Variants in CDK8 observed in about 807,000 individuals in gnomAD.
CDK8 encodes the protein cyclin-dependent kinase 8.
Under a neutral mutation model 71.5 loss-of-function variants are expected in CDK8, and 29 were observed. That is an observed-to-expected ratio of 0.41 (90% confidence interval 0.30 to 0.55). The LOEUF (loss-of-function observed/expected upper bound fraction) is 0.55, where lower values mean the gene tolerates loss of function less well. CDK8 is among the 20% of genes least tolerant of loss of function. The pLI is 0.37. For missense variants in CDK8, 288 were observed against 572.6 expected (o/e 0.50, Z 5.07); for synonymous variants, 161 against 192.1 (o/e 0.84, Z 1.34).
At chr13:26,273,727 A>G (rs547209390) in intron 1 of CDK8, among the ~76,000 whole-genome samples, 4 of 151,892 alleles carry the variant, frequency 2.6e-5, no homozygotes, top group Non-Finnish European at 5.9e-5. Context: ...GAGTTCATCT[A>G]CCTATGGTGT....
chr13:26,254,535 C>T lies in CDK8; in HGVS notation c.-107C>T. The T allele has an allele frequency of 3.3e-6, 3 of 898,940 alleles. No individual in the cohort carries two copies. Among genetic ancestry groups the T allele is most frequent in the South Asian group, 3.3e-5 (2 of 60,004 alleles). The allele number at this position is 898,940 out of a possible 1,614,324, so 55.7% of individuals were successfully genotyped here. ...TCGGGCTGGTGCTGCGGCCGGCGGG[C>T]GTAGAGCGGGCGGGTTCCCGGGGGC... On this transcript the variant is annotated 5_prime_UTR_variant, in exon 1 of 13. Transcript: ENST00000381527. The surrounding 1 kb of genome is among the most constrained non-coding windows in gnomAD (Gnocchi z 6.7).
chr13:26,302,102 A>G (rs1873848334), intron 1 of CDK8, among the ~76,000 whole-genome samples: 1 of 152,194 alleles, frequency 6.6e-6, no homozygotes, highest in Admixed American at 6.5e-5. Flanking sequence ...TCCCAGCTCT[A>G]AAAAACACAA....
chr13:26,391,385 G>C (rs1875739599), intron 6 of CDK8, among the ~76,000 whole-genome samples: 1 of 152,158 alleles, frequency 6.6e-6, no homozygotes, highest in Non-Finnish European at 1.5e-5. Context: ...GGGACTACAG[G>C]CATATGCCAG....
intron 6 of CDK8, among the ~76,000 whole-genome samples, chr13:26,391,778 T>C (rs182702178): frequency 8.5e-5 from 13 of 152,376 alleles, no homozygotes; most frequent in African/African-American, 2.9e-4. Flanking sequence ...CTCTGATATG[T>C]AAATACGATG....
intron 2 of CDK8, among the ~76,000 whole-genome samples, chr13:26,343,444 A>G (rs1293968376): frequency 6.6e-6 from 1 of 152,240 alleles, no homozygotes; most frequent in Admixed American, 6.5e-5. Flanking sequence ...TGTTCTGCCT[A>G]TGGAGTAGCC....
At chr13:26,383,140 A>G (rs940410797) in intron 5 of CDK8, among the ~76,000 whole-genome samples, 2 of 152,196 alleles carry the variant, frequency 1.3e-5, no homozygotes, top group African/African-American at 4.8e-5. Context: ...TATAGAGGTG[A>G]GGGGCTTCTA....
intron 1 of CDK8, among the ~76,000 whole-genome samples, chr13:26,297,751 A>G (rs1409484529): frequency 6.6e-6 from 1 of 152,202 alleles, no homozygotes; most frequent in Non-Finnish European, 1.5e-5. Flanking sequence ...TGTTGGTAGT[A>G]ATACTGGATA....
chr13:26,377,545 A>G (rs184076950), intron 4 of CDK8, among the ~76,000 whole-genome samples: 1 of 152,170 alleles, frequency 6.6e-6, no homozygotes, highest in Non-Finnish European at 1.5e-5. Flanking sequence ...TTTTTTTTCA[A>G]ATTTAAACAG....
At chr13:26,287,793 A>G (rs1873091787) in intron 1 of CDK8, among the ~76,000 whole-genome samples, 1 of 152,150 alleles carries the variant, frequency 6.6e-6, no homozygotes. Context: ...AAGTAATAAT[A>G]CCATATGACA....
At chr13:26,266,827 C>T (rs1298939150) in intron 1 of CDK8, among the ~76,000 whole-genome samples, 1 of 152,114 alleles carries the variant, frequency 6.6e-6, no homozygotes, top group Non-Finnish European at 1.5e-5. Context: ...TTATTTTGTA[C>T]TCCATGCTAT....
chr13:26,368,654 C>T (rs1874509403), intron 4 of CDK8, among the ~76,000 whole-genome samples: 1 of 152,124 alleles, frequency 6.6e-6, no homozygotes, highest in Admixed American at 6.5e-5. Flanking sequence ...AATACAGTGG[C>T]AAATATAATA....
At chr13:26,332,329 A>G (rs1319202466) in intron 1 of CDK8, among the ~76,000 whole-genome samples, 2 of 151,944 alleles carry the variant, frequency 1.3e-5, no homozygotes, top group African/African-American at 2.4e-5. Flanking sequence ...TACTAAAAAT[A>G]CAAAAATTAG....
At chr13:26,295,036 G>T (rs866282831) in intron 1 of CDK8, among the ~76,000 whole-genome samples, 1 of 152,030 alleles carries the variant, frequency 6.6e-6, no homozygotes, top group African/African-American at 2.4e-5. Context: ...GTGAACTACC[G>T]CACCCAGCCC....
chr13:26,288,380 G>A (rs1873125301), intron 1 of CDK8, among the ~76,000 whole-genome samples: 1 of 152,030 alleles, frequency 6.6e-6, no homozygotes, highest in Non-Finnish European at 1.5e-5. Flanking sequence ...TAGAGTTACT[G>A]TACATTTGGT....
At chr13:26,368,643 T>C (rs1200030353) in intron 4 of CDK8, among the ~76,000 whole-genome samples, 1 of 152,212 alleles carries the variant, frequency 6.6e-6, no homozygotes, top group East Asian at 1.9e-4. Context: ...ACTTATTCAC[T>C]AATACAGTGG....
At chr13:26,283,586 C>A (rs1305874716) in intron 1 of CDK8, among the ~76,000 whole-genome samples, 1 of 141,852 alleles carries the variant, frequency 7.0e-6, no homozygotes, top group Non-Finnish European at 1.5e-5. Context: ...CCAGCCTGGG[C>A]AACAGAATGA....
At chr13:26,400,041 A>G (rs1360628310) in intron 9 of CDK8, 1 of 198,392 alleles carries the variant, frequency 5.0e-6, no homozygotes, top group Non-Finnish European at 1.0e-5. Context: ...TGACTTTTTT[A>G]TTTAATTCAG....
intron 1 of CDK8, among the ~76,000 whole-genome samples, chr13:26,299,884 T>C (rs939428781): frequency 6.6e-6 from 1 of 152,194 alleles, no homozygotes; most frequent in Non-Finnish European, 1.5e-5. Context: ...TGTTTTAGGC[T>C]TGCTGGGCCA....
At chr13:26,349,875 G>A (rs1873615696) in intron 3 of CDK8, among the ~76,000 whole-genome samples, 1 of 152,140 alleles carries the variant, frequency 6.6e-6, no homozygotes, top group Admixed American at 6.5e-5. Flanking sequence ...GCCATATAAT[G>A]TTATTGTCAA....
Sources: gnomAD v4.1 joint callset for allele counts (sites outside exome capture counted in the v4.1 genomes callset) on GRCh38, gnomAD v4.1.1 for gene constraint, Gnocchi (gnomAD v3.1) non-coding constraint, MANE v1.5 for transcripts, NCBI Gene and HGNC (gene_info 2026-07-23, HGNC 2026-07-21) for gene names.